CNTN5: variants seen among roughly 807,000 people sequenced by gnomAD.
CNTN5 encodes the protein contactin-5.
A neutral mutation model predicts 129.1 loss-of-function variants in CNTN5; 77 were observed. That is an observed-to-expected ratio of 0.60 (90% CI 0.50 to 0.72). The LOEUF (loss-of-function observed/expected upper bound fraction) is 0.72, where lower values mean the gene tolerates loss of function less well. Ranked by LOEUF, CNTN5 falls within the 30% of genes least tolerant of loss-of-function variation. CNTN5 has a pLI of 0.00. For missense variants in CNTN5, 1,478 were observed against 1,328.8 expected (o/e 1.11, Z -1.75); for synonymous variants, 509 against 465.6 (o/e 1.09, Z -1.20).
At chr11:100,113,831 A>T (rs368729664) in intron 13 of CNTN5, among the ~76,000 whole-genome samples, 5 of 152,068 alleles carry the variant, frequency 3.3e-5, no homozygotes, top group African/African-American at 1.2e-4. Flanking sequence ...ACAAGCTCAA[A>T]AGTCTCCATG....
chr11:99,197,173 A>G (rs769480935), intron 1 of CNTN5, among the ~76,000 whole-genome samples: 9 of 152,018 alleles, frequency 5.9e-5, no homozygotes, highest in Non-Finnish European at 1.5e-5. Context: ...AGTTCTTAAC[A>G]CATCCCAAAG....
At chr11:99,858,489 C>A (rs1379927556) in intron 6 of CNTN5, among the ~76,000 whole-genome samples, 1 of 151,820 alleles carries the variant, frequency 6.6e-6, no homozygotes, top group Non-Finnish European at 1.5e-5. Context: ...GGCCTAGTAA[C>A]TTGACCTCTA....
chr11:99,448,937 T>A (rs1265001276), intron 2 of CNTN5, among the ~76,000 whole-genome samples: 1 of 151,618 alleles, frequency 6.6e-6, no homozygotes. Context: ...CATACCACCA[T>A]GCCTGGCTAA....
rs571512548 is a variant in CNTN5 at position 100,003,009 on chromosome 11, T to C, written c.980+873T>C. On this transcript the variant is annotated intron_variant, in intron 9 of 24. Transcript: ENST00000524871. ...TCGGAGATAAAGCCAGATACACAAGTGTGATTATTAAAGTAGGTTTAGCCT... is the reference window on the plus strand; with the variant it reads ...TCGGAGATAAAGCCAGATACACAAGCGTGATTATTAAAGTAGGTTTAGCCT... Among the ~76,000 whole-genome samples, 3 of 152,196 alleles carry C rather than the reference T, an allele frequency of 2.0e-5. No homozygotes were observed. In the South Asian group the frequency reaches 6.2e-4, roughly 31 times the overall value.
At chr11:99,468,089 C>T (rs960326260) in intron 2 of CNTN5, among the ~76,000 whole-genome samples, 2 of 152,032 alleles carry the variant, frequency 1.3e-5, no homozygotes, top group Non-Finnish European at 2.9e-5. Context: ...ATTAGGTGAG[C>T]TCTATCTGAA....
chr11:100,155,704 G>T (rs1377270325), intron 13 of CNTN5, among the ~76,000 whole-genome samples: 5 of 151,380 alleles, frequency 3.3e-5, no homozygotes, highest in African/African-American at 1.2e-4. Flanking sequence ...CTTGAGCAGT[G>T]GTTTGTAGTT....
intron 1 of CNTN5, among the ~76,000 whole-genome samples, chr11:99,122,784 A>T (rs1387452977): frequency 6.6e-6 from 1 of 152,140 alleles, no homozygotes; most frequent in Non-Finnish European, 1.5e-5. Flanking sequence ...CCTATAAATG[A>T]GAACATACAG....
At position 99,971,566 on chromosome 11, in the gene CNTN5, AAAC is replaced by A. The variant is rs1291744708; in HGVS notation, c.877+14560_877+14562del. Among the ~76,000 whole-genome samples the A allele has an allele frequency of 1.3e-4, 19 of 144,856 alleles. 1 individual carries two copies. The highest frequency in any genetic ancestry group is 4.0e-4 in the African/African-American group (16 of 40,252). ...CACACATTAAAAACAAAAAACAAAC[AAAC>A]AAAAAACTCTACAAAATAATCAACA... On this transcript the variant is annotated intron_variant, in intron 8 of 24. Transcript: ENST00000524871.
In CNTN5 at chr11:99,134,041, G is replaced by T. The variant is rs939268004; in HGVS notation, c.-210+112771G>T. 4.6e-5 allele frequency among the ~76,000 whole-genome samples: 7 copies of T among 152,124 alleles called. 1 individual carries two copies. In the South Asian group the frequency reaches 1.2e-3, roughly 27 times the overall value. Reference sequence around the variant, plus strand: ...TGATAGACTGGATAAAGAAAATGTGGTACATATACGTCATGGAATACTACG... The same window carrying T: ...TGATAGACTGGATAAAGAAAATGTGTTACATATACGTCATGGAATACTACG... On this transcript the variant is annotated intron_variant, in intron 1 of 24. Transcript: ENST00000524871.
At chr11:99,352,485 A>T (rs549821239) in intron 2 of CNTN5, among the ~76,000 whole-genome samples, 1 of 152,326 alleles carries the variant, frequency 6.6e-6, no homozygotes, top group Non-Finnish European at 1.5e-5. Context: ...AAATTTAATC[A>T]TGATGAGTCA....
At chr11:99,880,064 T>A (rs1019559756) in intron 6 of CNTN5, among the ~76,000 whole-genome samples, 4 of 152,234 alleles carry the variant, frequency 2.6e-5, no homozygotes, top group Non-Finnish European at 5.9e-5. Context: ...TCACTATTCT[T>A]GAACTAATGC....
At chr11:99,911,419 C>G (rs1949655803) in intron 6 of CNTN5, among the ~76,000 whole-genome samples, 1 of 151,926 alleles carries the variant, frequency 6.6e-6, no homozygotes, top group Non-Finnish European at 1.5e-5. Context: ...AGACTTAAGA[C>G]TGGGAAACAT....
intron 3 of CNTN5, among the ~76,000 whole-genome samples, chr11:99,575,141 T>A (rs761501015): frequency 2.0e-5 from 3 of 152,320 alleles, no homozygotes; most frequent in Non-Finnish European, 4.4e-5. Flanking sequence ...GTCTCAAACT[T>A]GGGAACAACA....
chr11:99,491,950 C>G (rs1946051732), intron 2 of CNTN5, among the ~76,000 whole-genome samples: 1 of 152,132 alleles, frequency 6.6e-6, no homozygotes, highest in African/African-American at 2.4e-5. Flanking sequence ...AGAGCTGTCC[C>G]AACCTGGGTA....
chr11:99,827,764 A>T (rs1245229085), intron 4 of CNTN5, among the ~76,000 whole-genome samples: 2 of 152,050 alleles, frequency 1.3e-5, no homozygotes, highest in African/African-American at 2.4e-5. Context: ...TTATACAATT[A>T]CTTTACCTCT....
At chr11:99,145,482 T>C (rs1859737763) in intron 1 of CNTN5, among the ~76,000 whole-genome samples, 1 of 152,142 alleles carries the variant, frequency 6.6e-6, no homozygotes, top group Non-Finnish European at 1.5e-5. Context: ...TTCTTGTTTA[T>C]TCTATATTTT....
intron 1 of CNTN5, among the ~76,000 whole-genome samples, chr11:99,199,378 T>G (rs1859055915): frequency 6.6e-6 from 1 of 152,134 alleles, no homozygotes; most frequent in Admixed American, 6.6e-5. Context: ...CATTCAAAGA[T>G]GAAATAATGA....
At chr11:99,558,863 G>T (rs1355047577) in intron 3 of CNTN5, among the ~76,000 whole-genome samples, 2 of 152,064 alleles carry the variant, frequency 1.3e-5, no homozygotes, top group Non-Finnish European at 2.9e-5. Context: ...ATCTGCGGTT[G>T]ATGTGCAGCA....
chr11:100,168,223 A>G (rs1947705916), intron 13 of CNTN5, among the ~76,000 whole-genome samples: 1 of 151,992 alleles, frequency 6.6e-6, no homozygotes, highest in Non-Finnish European at 1.5e-5. Context: ...TACCCAGAAG[A>G]TATAACTAAG....
Sources: gnomAD v4.1 joint callset for allele counts (sites outside exome capture counted in the v4.1 genomes callset) on GRCh38, gnomAD v4.1.1 for gene constraint, MANE v1.5 for transcripts, NCBI Gene and HGNC (gene_info 2026-07-23, HGNC 2026-07-21) for gene names.